TANC1: variants seen among roughly 807,000 people sequenced by gnomAD.
TANC1 encodes the protein protein TANC1.
A neutral mutation model predicts 149.7 loss-of-function variants in TANC1; 77 were observed. The ratio of observed to expected loss-of-function variants is 0.51; its 90% CI spans 0.43 to 0.62. The LOEUF (loss-of-function observed/expected upper bound fraction) is 0.62. TANC1 is among the 20% of genes least tolerant of loss of function. The pLI is 0.00. For missense variants in TANC1, 1,985 were observed against 2,321.8 expected (o/e 0.85, Z 2.98); for synonymous variants, 854 against 925.0 (o/e 0.92, Z 1.39).
chr2:159,062,519 T>C (rs532520736), intron 2 of TANC1, among the ~76,000 whole-genome samples: 26 of 152,310 alleles, frequency 1.7e-4, no homozygotes, highest in African/African-American at 6.0e-4. Flanking sequence ...AGTGTGATGA[T>C]GCAGAAGAGG....
intron 3 of TANC1, among the ~76,000 whole-genome samples, chr2:159,087,515 GT>G (rs60634719): frequency 3.3e-4 from 37 of 113,710 alleles, no homozygotes; most frequent in African/African-American, 7.5e-4. Flanking sequence ...TTTTGTTTTT[GT>G]TTTTTTTTTG....
intron 4 of TANC1, among the ~76,000 whole-genome samples, chr2:159,100,780 A>AT (rs1286598739): frequency 3.3e-5 from 5 of 151,878 alleles, no homozygotes; most frequent in Admixed American, 2.6e-4. Context: ...GATGAACAGT[A>AT]TTTTTTTTCA....
At chr2:159,101,107 T>C (rs1424783841) in intron 4 of TANC1, among the ~76,000 whole-genome samples, 1 of 152,186 alleles carries the variant, frequency 6.6e-6, no homozygotes, top group Non-Finnish European at 1.5e-5. Context: ...TTGATGACTT[T>C]TGTTCTGATT....
intron 2 of TANC1, among the ~76,000 whole-genome samples, chr2:159,062,477 A>G (rs1170874485): frequency 6.6e-6 from 1 of 152,142 alleles, no homozygotes; most frequent in Non-Finnish European, 1.5e-5. Context: ...TAGGGGAAAA[A>G]TGACAGTAGT....
At chr2:158,974,400 A>C (rs1190732308) in intron 1 of TANC1, among the ~76,000 whole-genome samples, 1 of 152,352 alleles carries the variant, frequency 6.6e-6, no homozygotes, top group African/African-American at 2.4e-5. Flanking sequence ...TATTATTTGC[A>C]TATAGCTTAT....
Position 159,062,973 on chromosome 2 carries a change from C to CCAAAAAAAAAAAAA in TANC1, c.-15-2923_-15-2922insCAAAAAAAAAAAAA, listed in dbSNP as rs770866772. On this transcript the variant is annotated intron_variant, in intron 2 of 26. Transcript: ENST00000263635. Reference sequence around the variant, plus strand: ...TGGGCGACAGAGCGAGACTCCGTCTCAAAAAAAAAAAAAAAAAAAAAAGAA... The same window carrying CCAAAAAAAAAAAAA: ...TGGGCGACAGAGCGAGACTCCGTCTCCAAAAAAAAAAAAAAAAAAAAAAAAAAAAAAAAAAAGAA... Among the ~76,000 whole-genome samples, 28 of 41,206 alleles carry CCAAAAAAAAAAAAA rather than the reference C, an allele frequency of 6.8e-4. 1 individual carries two copies. Among genetic ancestry groups the CCAAAAAAAAAAAAA allele is most frequent in the Admixed American group, 1.4e-3 (5 of 3,510 alleles). The allele number at this position is 41,206 out of a possible 152,430, so 27.0% of individuals were successfully genotyped here.
chr2:159,185,096 A>T (rs2056850345), intron 14 of TANC1, among the ~76,000 whole-genome samples: 1 of 152,236 alleles, frequency 6.6e-6, no homozygotes, highest in Non-Finnish European at 1.5e-5. Context: ...AGTTGACAGG[A>T]TGATAGAAAT....
At chr2:158,979,895 A>C (rs1186045039) in intron 1 of TANC1, among the ~76,000 whole-genome samples, 1 of 152,236 alleles carries the variant, frequency 6.6e-6, no homozygotes, top group Non-Finnish European at 1.5e-5. Context: ...TTAAAGAGTA[A>C]ACATATTTAT....
intron 19 of TANC1, among the ~76,000 whole-genome samples, chr2:159,211,310 G>A (rs759174455): frequency 2.0e-5 from 3 of 152,268 alleles, no homozygotes; most frequent in Admixed American, 6.5e-5. Context: ...ACAACTAGAA[G>A]AAATTGTGTC....
chr2:159,202,717 T>G (rs1389418112), intron 19 of TANC1, among the ~76,000 whole-genome samples: 1 of 152,108 alleles, frequency 6.6e-6, no homozygotes, highest in Admixed American at 6.5e-5. Context: ...GGCTCTTGGC[T>G]CGGTGATATT....
intron 25 of TANC1, chr2:159,228,352 A>G: frequency 3.9e-6 from 1 of 259,266 alleles, no homozygotes. Flanking sequence ...GTCTGCCAGT[A>G]ACTAATTTGT....
At chr2:159,226,293 T>C (rs973163674) in intron 24 of TANC1, 15 of 167,680 alleles carry the variant, frequency 8.9e-5, no homozygotes, top group Admixed American at 3.8e-4. Context: ...AGAGCCATTA[T>C]TTCTGAGCTA....
At chr2:159,034,708 TCTC>T (rs1242762755) in intron 2 of TANC1, among the ~76,000 whole-genome samples, 4 of 152,206 alleles carry the variant, frequency 2.6e-5, no homozygotes, top group African/African-American at 7.2e-5. Context: ...CCCATGAAGT[TCTC>T]CTCCTCCCAT....
At chr2:159,086,980 A>G (rs1185099563) in intron 3 of TANC1, among the ~76,000 whole-genome samples, 1 of 151,408 alleles carries the variant, frequency 6.6e-6, no homozygotes, top group Non-Finnish European at 1.5e-5. Flanking sequence ...CTGCTTGTTT[A>G]GAGGGGTGGG....
At chr2:158,975,469 A>T (rs1328794766) in intron 1 of TANC1, among the ~76,000 whole-genome samples, 3 of 152,118 alleles carry the variant, frequency 2.0e-5, no homozygotes, top group Admixed American at 1.3e-4. Flanking sequence ...ATGAATATGT[A>T]TGTGACGCCT....
chr2:159,087,469 T>A lies in TANC1; in HGVS notation c.62-10168T>A, dbSNP rs1459647212. Among the ~76,000 whole-genome samples, 3 of 1,258 alleles carry A rather than the reference T, an allele frequency of 2.4e-3. No homozygotes were observed. The Non-Finnish European group carries it at 0.027, about 11-fold the overall frequency. The allele number at this position is 1,258 out of a possible 152,430, so 0.8% of individuals were successfully genotyped here. On this transcript the variant is annotated intron_variant, in intron 3 of 26. Transcript: ENST00000263635. ...GATGTTGCTTTTTTTGTTTTTCCGT[T>A]TTTTTTTTTTTTTGTCGTTGTTTGT...
At chr2:159,120,182 C>A (rs1233115493) in intron 4 of TANC1, among the ~76,000 whole-genome samples, 1 of 152,030 alleles carries the variant, frequency 6.6e-6, no homozygotes, top group Non-Finnish European at 1.5e-5. Flanking sequence ...GGGACATGGA[C>A]AAGGACGTAG....
chr2:159,047,397 G>A (rs754474898), intron 2 of TANC1, among the ~76,000 whole-genome samples: 11 of 151,748 alleles, frequency 7.2e-5, no homozygotes, highest in African/African-American at 1.5e-4. Context: ...GAAGGAAAAC[G>A]CAAACTTAAG....
At chr2:159,080,216 C>G (rs1433818693) in intron 3 of TANC1, among the ~76,000 whole-genome samples, 1 of 152,234 alleles carries the variant, frequency 6.6e-6, no homozygotes, top group Non-Finnish European at 1.5e-5. Context: ...TACCCCACCT[C>G]TTGTATTTTG....
Sources: gnomAD v4.1 joint callset for allele counts (sites outside exome capture counted in the v4.1 genomes callset) on GRCh38, gnomAD v4.1.1 for gene constraint, MANE v1.5 for transcripts, NCBI Gene and HGNC (gene_info 2026-07-23, HGNC 2026-07-21) for gene names.